Variants in EXOSC10 observed in about 807,000 individuals in gnomAD.
EXOSC10 encodes exosome complex component 10.
Under a neutral mutation model 126.6 loss-of-function variants are expected in EXOSC10, and 94 were observed. That is an observed-to-expected ratio of 0.74 (90% CI 0.63 to 0.88). The LOEUF (loss-of-function observed/expected upper bound fraction) is 0.88. EXOSC10 is among the 40% of genes least tolerant of loss of function. The pLI is 0.00. For missense variants in EXOSC10, 1,041 were observed against 1,100.5 expected (o/e 0.95, Z 0.77); for synonymous variants, 395 against 400.8 (o/e 0.99, Z 0.17).
chr1:11,076,825 G>A lies in EXOSC10; in HGVS notation c.1986+17C>T, dbSNP rs1433844744. The A allele has an allele frequency of 1.9e-6, 3 of 1,588,950 alleles. No homozygotes were observed. Among genetic ancestry groups the A allele is most frequent in the Non-Finnish European group, 2.6e-6 (3 of 1,159,768 alleles). On this transcript the variant is annotated intron_variant, in intron 17 of 24. Coordinates refer to ENST00000376936, the MANE Select transcript of EXOSC10 (RefSeq NM_001001998.3). Reference sequence around the variant, plus strand: ...AGGGGGTCCTCATCACCTCAGTGAAGTTTCTGTGCTACTCACATTAAATAA... The same window carrying A: ...AGGGGGTCCTCATCACCTCAGTGAAATTTCTGTGCTACTCACATTAAATAA...
In EXOSC10 at chr1:11,098,077, C is replaced by T. The variant is rs757050222; in HGVS notation, c.191G>A (p.Arg64Gln). The T allele has an allele frequency of 4.9e-5, 79 of 1,611,594 alleles. No homozygotes were observed. Among genetic ancestry groups the T allele is most frequent in the African/African-American group, 2.3e-4 (17 of 74,786 alleles). Residue 64 changes from arginine (R) to glutamine (Q), a missense_variant, in exon 2 of 25, where the codon CGA becomes CAA. This residue lies in a region of EXOSC10 where 645 missense variants were observed against 656.3 expected (regional missense o/e 0.98). Transcript: ENST00000376936. ...PQFGDEYDFY[R>Q]SFPGFQAFCE... ...AAATGCTTGGAAGCCAGGAAAACTT[C>T]GGTAAAAATCATACTCATCGCCAAA...
At chr1:11,067,971 C>G (rs1277364830) in intron 24 of EXOSC10, 37 bp downstream of exon 24, 2 of 1,596,536 alleles carry the variant, frequency 1.3e-6, no homozygotes, top group Admixed American at 1.7e-5. Context: ...TGCTTTCTCA[C>G]TGGGCTCCCT....
chr1:11,095,853 A>G lies in EXOSC10; in HGVS notation c.277T>C (p.Cys93Arg), dbSNP rs545538259. Reference sequence around the variant, plus strand: ...CTTCGATCCTTAATGTTGCTGCGACACCCATGGTACTGCATTACTCTGCTC... The same window carrying G: ...CTTCGATCCTTAATGTTGCTGCGACGCCCATGGTACTGCATTACTCTGCTC... ...CMSRVMQYHGCRSNIKDRSKV... is the reference protein window; with the variant it reads ...CMSRVMQYHGRRSNIKDRSKV... Residue 93 changes from cysteine to arginine, a missense_variant, in exon 3 of 25, where the codon TGT becomes CGT. Around this residue, in one of 3 missense-constraint regions of EXOSC10, gnomAD observed 645 missense variants for 656.3 expected, o/e 0.98. Transcript: ENST00000376936. 3.1e-6 allele frequency: 5 copies of G among 1,614,100 alleles called. No homozygotes were observed. The highest frequency in any genetic ancestry group is 1.3e-5 in the African/African-American group (1 of 75,082).
At chr1:11,079,650 T>C (rs1033987706) in intron 14 of EXOSC10, 61 bp downstream of exon 14, 6 of 1,406,342 alleles carry the variant, frequency 4.3e-6, no homozygotes, top group Admixed American at 1.9e-5. Flanking sequence ...CACCTCAGCC[T>C]CCCAAAGTGC....
intron 20 of EXOSC10, chr1:11,071,610 C>CT (rs35990090): frequency 1.6e-4 from 26 of 160,858 alleles, no homozygotes; most frequent in South Asian, 3.5e-4. Context: ...CACTTCCCCC[C>CT]GTCTGCTCAG....
rs1326388669 is a variant in EXOSC10 at position 11,080,551 on chromosome 1, T to TG, written c.1587-3dup. ...ATCATGTGGTTTGGCAGTACATATCTGGAAAAAAAAAAACACACACACACA... is the reference window on the plus strand; with the variant it reads ...ATCATGTGGTTTGGCAGTACATATCTGGGAAAAAAAAAAACACACACACACA... On this transcript the variant is annotated splice_region_variant and splice_polypyrimidine_tract_variant and intron_variant, in intron 12 of 24. Transcript: ENST00000376936. 2.5e-6 allele frequency: 4 copies of TG among 1,577,562 alleles called. No homozygotes were observed. Among genetic ancestry groups the TG allele is most frequent in the African/African-American group, 3.0e-5 (2 of 65,958 alleles).
At chr1:11,089,222 TAAAAAAAAA>T (rs533212430) in intron 6 of EXOSC10, among the ~76,000 whole-genome samples, 3 of 49,712 alleles carry the variant, frequency 6.0e-5, no homozygotes, top group Admixed American at 2.4e-4. Flanking sequence ...AGAGCAAAAC[TAAAAAAAAA>T]AAAAAAAAAA....
intron 19 of EXOSC10, among the ~76,000 whole-genome samples, chr1:11,073,335 T>C (rs1314264364): frequency 6.6e-6 from 1 of 151,648 alleles, no homozygotes; most frequent in Non-Finnish European, 1.5e-5. Context: ...GGTTTCACCA[T>C]GTTAGCCAGG....
At chr1:11,067,436 AAG>A (rs1491257752) in intron 24 of EXOSC10, among the ~76,000 whole-genome samples, 1 of 75,614 alleles carries the variant, frequency 1.3e-5, no homozygotes. Flanking sequence ...CATCTCAAAG[AAG>A]AAAAAAAAAA....
At chr1:11,072,005 G>T in intron 20 of EXOSC10, 82 bp downstream of exon 20, 1 of 1,143,410 alleles carries the variant, frequency 8.7e-7, no homozygotes. Context: ...ATTCATCGCC[G>T]TATCTGGCAC....
Position 11,089,617 on chromosome 1 carries a change from G to A in EXOSC10, c.758+937C>T, listed in dbSNP as rs549919844. 8.8e-3 allele frequency among the ~76,000 whole-genome samples: 1,226 copies of A among 139,640 alleles called. 25 individuals are homozygous for A. The highest frequency in any genetic ancestry group is 0.03 in the African/African-American group (1,116 of 37,348). 91.6% of individuals were successfully genotyped at this position (139,640 alleles called of 152,430 possible). On this transcript the variant is annotated intron_variant, in intron 6 of 24. Coordinates refer to ENST00000376936, the MANE Select transcript of EXOSC10 (RefSeq NM_001001998.3). ...GCCTGAGCAACAAGAGCGAAACTCCGTCCCAAAAAAAAAAAAAAAGAAAGA... is the reference window on the plus strand; with the variant it reads ...GCCTGAGCAACAAGAGCGAAACTCCATCCCAAAAAAAAAAAAAAAGAAAGA...
chr1:11,073,608 G>C (rs1344050576), intron 19 of EXOSC10, among the ~76,000 whole-genome samples: 1 of 152,010 alleles, frequency 6.6e-6, no homozygotes, highest in Non-Finnish European at 1.5e-5. Context: ...TCTCTTTTAG[G>C]GCCAGGCGCA....
intron 15 of EXOSC10, 55 bp from the exon 16 acceptor site, chr1:11,077,498 C>T: frequency 6.3e-7 from 1 of 1,595,254 alleles, no homozygotes; most frequent in Non-Finnish European, 8.6e-7. Flanking sequence ...CCGGCAGTAG[C>T]TTTCTGCCAG....
chr1:11,069,988 T>A (rs920119823), intron 21 of EXOSC10, among the ~76,000 whole-genome samples: 4 of 152,082 alleles, frequency 2.6e-5, no homozygotes, highest in Non-Finnish European at 5.9e-5. Flanking sequence ...ATAATTCCAG[T>A]GCTTTGGGCG....
At chr1:11,090,321 G>A (rs1570845228) in intron 6 of EXOSC10, among the ~76,000 whole-genome samples, 1 of 152,222 alleles carries the variant, frequency 6.6e-6, no homozygotes, top group East Asian at 1.9e-4. Flanking sequence ...TCTATAAAAT[G>A]GGAATAAGAG....
At chr1:11,083,960 T>C (rs1640342474) in intron 9 of EXOSC10, among the ~76,000 whole-genome samples, 1 of 152,236 alleles carries the variant, frequency 6.6e-6, no homozygotes, top group African/African-American at 2.4e-5. Context: ...CATGAACTCA[T>C]CCTTTTTTAT....
At chr1:11,083,646 C>T (rs1424111253) in intron 9 of EXOSC10, among the ~76,000 whole-genome samples, 1 of 146,972 alleles carries the variant, frequency 6.8e-6, no homozygotes, top group Non-Finnish European at 1.5e-5. Context: ...TATTATTATA[C>T]TTTAAGTTTT....
At chr1:11,096,472 T>C (rs2802208) in intron 2 of EXOSC10, among the ~76,000 whole-genome samples, 1 of 36,860 alleles carries the variant, frequency 2.7e-5, no homozygotes, top group Non-Finnish European at 1.5e-4. Context: ...TCTTTCTTTC[T>C]TTTTTTTTTT....
At chr1:11,081,356 G>A in intron 10 of EXOSC10, 118 bp from the exon 11 acceptor site, 7 of 1,064,336 alleles carry the variant, frequency 6.6e-6, no homozygotes, top group Non-Finnish European at 9.7e-6. Flanking sequence ...TCCTTTCATA[G>A]TCAATACTGC....
Sources: allele counts gnomAD v4.1 joint callset (sites outside exome capture counted in the v4.1 genomes callset), GRCh38; gene constraint gnomAD v4.1.1; regional missense constraint gnomAD v4.1.1; transcripts MANE v1.5; gene names NCBI Gene and HGNC (gene_info 2026-07-23, HGNC 2026-07-21).